Variants in NUBPL observed in about 807,000 individuals in gnomAD.
The protein encoded by NUBPL is NUBP iron-sulfur cluster assembly factor, mitochondrial, also known as iron-sulfur cluster transfer protein NUBPL.
A neutral mutation model predicts 45.7 loss-of-function variants in NUBPL; 31 were observed. The ratio of observed to expected loss-of-function variants is 0.68; its 90% CI spans 0.51 to 0.92. The LOEUF (loss-of-function observed/expected upper bound fraction) is 0.92, where lower values mean the gene tolerates loss of function less well. Among genes scored for constraint, NUBPL ranks in the 40% least tolerant of loss-of-function variants. The pLI, the probability that NUBPL is intolerant of heterozygous loss-of-function variation, is 0.00. For missense variants in NUBPL, 401 were observed against 398.7 expected (o/e 1.01, Z -0.05); for synonymous variants, 144 against 140.9 (o/e 1.02, Z -0.15).
At chr14:31,582,200 A>G (rs893897182) in intron 3 of NUBPL, among the ~76,000 whole-genome samples, 9 of 152,154 alleles carry the variant, frequency 5.9e-5, no homozygotes, top group Admixed American at 2.6e-4. Context: ...TTTGAAAATT[A>G]GTAGATGCCA....
At chr14:31,856,144 G>T (rs2040614640) in intron 10 of NUBPL, among the ~76,000 whole-genome samples, 1 of 152,174 alleles carries the variant, frequency 6.6e-6, no homozygotes. Context: ...GGCTAGGGAG[G>T]TCTCACAATC....
chr14:31,781,685 A>C (rs536875992), intron 6 of NUBPL, among the ~76,000 whole-genome samples: 7 of 152,338 alleles, frequency 4.6e-5, no homozygotes, highest in Admixed American at 3.3e-4. Flanking sequence ...ATCAACATTC[A>C]CTGCCTAGAA....
rs146510859 is a variant in NUBPL, at chr14:31,629,874, A to G, written c.382+30495A>G. Reference sequence around the variant, plus strand: ...TGGTTTGTGACATCGTTTTTCTCGTACTTCTTTTCTTTGGACCATTCTAAG... The same window carrying G: ...TGGTTTGTGACATCGTTTTTCTCGTGCTTCTTTTCTTTGGACCATTCTAAG... On this transcript the variant is annotated intron_variant, in intron 4 of 10. Coordinates refer to ENST00000281081, the MANE Select transcript of NUBPL (RefSeq NM_025152.3). Among the ~76,000 whole-genome samples the G allele has an allele frequency of 2.3e-3, 350 of 152,120 alleles. 1 individual carries two copies. The highest frequency in any genetic ancestry group is 8.1e-3 in the African/African-American group (337 of 41,508).
intron 6 of NUBPL, among the ~76,000 whole-genome samples, chr14:31,753,584 C>T (rs146544204): frequency 1.1e-4 from 16 of 152,170 alleles, no homozygotes; most frequent in African/African-American, 3.9e-4. Context: ...GCTGTTGGTC[C>T]CAGGTCAGGA....
chr14:31,649,541 G>A (rs948285957), intron 4 of NUBPL, among the ~76,000 whole-genome samples: 1 of 152,108 alleles, frequency 6.6e-6, no homozygotes, highest in Non-Finnish European at 1.5e-5. Context: ...TTTAAGTTTT[G>A]CACTTTTAGA....
chr14:31,679,568 C>T (rs763531901), intron 6 of NUBPL, among the ~76,000 whole-genome samples: 50 of 152,018 alleles, frequency 3.3e-4, no homozygotes, highest in African/African-American at 5.1e-4. Context: ...ATCAATTAAC[C>T]GTATGTGTAT....
In NUBPL at chr14:31,702,890, A is replaced by G. The variant is rs189994550; in HGVS notation, c.513+29316A>G. ...AAACATTTCTTCCTTTTCTTCCCCAATTTTTGTTTGGTGCTTCTGGTGCCC... is the reference window on the plus strand; with the variant it reads ...AAACATTTCTTCCTTTTCTTCCCCAGTTTTTGTTTGGTGCTTCTGGTGCCC... On this transcript the variant is annotated intron_variant, in intron 6 of 10. Coordinates refer to ENST00000281081, the MANE Select transcript of NUBPL (RefSeq NM_025152.3). Among the ~76,000 whole-genome samples, 170 of 152,178 alleles carry G rather than the reference A, an allele frequency of 1.1e-3. No homozygotes were observed. The Middle Eastern group carries it at 0.014, about 12-fold the overall frequency.
In NUBPL at chr14:31,851,326, A is replaced by G. The variant is rs147292574; in HGVS notation, c.897+1125A>G. On this transcript the variant is annotated intron_variant, in intron 10 of 10. Coordinates refer to ENST00000281081, the MANE Select transcript of NUBPL (RefSeq NM_025152.3). ...ACATAACTGCTGTTCTTTATATTCT[A>G]GTTTGCTTCCTTTAACCTTCTGTGA... Among the ~76,000 whole-genome samples the G allele has an allele frequency of 5.7e-3, 851 of 148,656 alleles. 5 individuals are homozygous for G. Among genetic ancestry groups the G allele is most frequent in the Middle Eastern group, 0.014 (4 of 280 alleles).
intron 8 of NUBPL, among the ~76,000 whole-genome samples, chr14:31,832,614 T>C (rs758049761): frequency 1.1e-4 from 17 of 152,210 alleles, no homozygotes; most frequent in Admixed American, 2.0e-4. Context: ...TATATACAGA[T>C]TTTTATTACC....
chr14:31,846,028 T>A (rs916767323), intron 8 of NUBPL: 5 of 229,636 alleles, frequency 2.2e-5, no homozygotes, highest in Non-Finnish European at 4.3e-5. Context: ...GCCCTAGCCT[T>A]CCTTCCCAAA....
intron 10 of NUBPL, among the ~76,000 whole-genome samples, chr14:31,851,407 C>G (rs2040537187): frequency 6.6e-6 from 1 of 152,020 alleles, no homozygotes; most frequent in African/African-American, 2.4e-5. Context: ...AGTAAATGAA[C>G]AGTAATCTTG....
chr14:31,823,998 A>G (rs1343324724), intron 7 of NUBPL, among the ~76,000 whole-genome samples: 1 of 152,090 alleles, frequency 6.6e-6, no homozygotes, highest in East Asian at 1.9e-4. Context: ...CCATGGAACA[A>G]TTTGAAAAGT....
rs141214336 is a variant in NUBPL at position 31,626,339 on chromosome 14, C to T, written c.382+26960C>T. Among the ~76,000 whole-genome samples, 106 of 152,102 alleles carry T rather than the reference C, an allele frequency of 7.0e-4. 1 individual carries two copies. The highest frequency in any genetic ancestry group is 1.1e-3 in the Non-Finnish European group (76 of 67,988). On this transcript the variant is annotated intron_variant, in intron 4 of 10. Transcript: ENST00000281081. ...GTATTTTTAGTAGAGACGGGTTCAC[C>T]ATGTTGATCAGGCTGGTCTCGAACT...
chr14:31,682,588 TTTTC>T (rs1323720879), intron 6 of NUBPL, among the ~76,000 whole-genome samples: 2 of 152,320 alleles, frequency 1.3e-5, no homozygotes, highest in Admixed American at 6.5e-5. Context: ...TTTTTTTCTT[TTTTC>T]TTACGTTCTT....
At chr14:31,839,513 A>G (rs942036206) in intron 8 of NUBPL, among the ~76,000 whole-genome samples, 1 of 152,234 alleles carries the variant, frequency 6.6e-6, no homozygotes, top group Non-Finnish European at 1.5e-5. Flanking sequence ...TGAAAGTATT[A>G]GAAGAAAACC....
intron 6 of NUBPL, among the ~76,000 whole-genome samples, chr14:31,712,236 G>T (rs558492017): frequency 6.6e-6 from 1 of 152,172 alleles, no homozygotes; most frequent in Non-Finnish European, 1.5e-5. Flanking sequence ...GACACAGAGC[G>T]CTGATTGGTG....
intron 6 of NUBPL, among the ~76,000 whole-genome samples, chr14:31,734,711 T>C (rs2038127791): frequency 6.6e-6 from 1 of 151,680 alleles, no homozygotes; most frequent in African/African-American, 2.4e-5. Context: ...CCTACATAAA[T>C]AAGTAAATAA....
At chr14:31,755,185 A>G (rs1255471794) in intron 6 of NUBPL, among the ~76,000 whole-genome samples, 1 of 152,170 alleles carries the variant, frequency 6.6e-6, no homozygotes, top group African/African-American at 2.4e-5. Flanking sequence ...TTATAGCAGC[A>G]GGATTTATAG....
intron 6 of NUBPL, among the ~76,000 whole-genome samples, chr14:31,723,101 T>A (rs1024123686): frequency 6.6e-6 from 1 of 152,218 alleles, no homozygotes; most frequent in Admixed American, 6.5e-5. Context: ...CTTTAATCCA[T>A]CTTGAACTGA....
Sources: gnomAD v4.1 joint callset for allele counts (sites outside exome capture counted in the v4.1 genomes callset) on GRCh38, gnomAD v4.1.1 for gene constraint, MANE v1.5 for transcripts, NCBI Gene and HGNC (gene_info 2026-07-23, HGNC 2026-07-21) for gene names.